Variants in TLR6 observed in about 807,000 individuals in gnomAD.
The protein encoded by TLR6 is toll like receptor 6, also known as toll-like receptor 6.
Under a neutral mutation model 16.1 loss-of-function variants are expected in TLR6, and 9 were observed. That is an observed-to-expected ratio of 0.56 (90% confidence interval 0.34 to 0.98). The LOEUF (loss-of-function observed/expected upper bound fraction) is 0.98, where lower values mean the gene tolerates loss of function less well. Among genes scored for constraint, TLR6 ranks in the 50% least tolerant of loss-of-function variants. TLR6 has a pLI of 0.02. For synonymous variants in TLR6, 340 were observed against 338.6 expected, an observed-to-expected ratio of 1.00 and a Z score of -0.04; for missense variants, 786 against 921.0, an observed-to-expected ratio of 0.85 and a Z score of 1.90.
chr4:38,827,582 A>G (rs1727605844), exon 2 of TLR6: 2 of 1,614,100 alleles, frequency 1.2e-6, no homozygotes, highest in Admixed American at 1.7e-5. Flanking sequence ...TTCTAAGGGT[A>G]TGTTCCTGGC....
the TLR6 span, chr4:38,867,614 T>A: frequency 6.6e-5 from 10 of 150,408 alleles, no homozygotes; most frequent in African/African-American, 2.5e-4. Flanking sequence ...GGCACAGGGG[T>A]GGGACAAGCC....
chr4:38,853,887 A>G (rs1712864936), intron 1 of TLR6, among the ~76,000 whole-genome samples: 1 of 152,252 alleles, frequency 6.6e-6, no homozygotes. Flanking sequence ...AAATAATAAA[A>G]ATCGAATTGC....
At chr4:38,867,542 G>A in the TLR6 span, 3 of 152,158 alleles carry the variant, frequency 2.0e-5, no homozygotes, top group Non-Finnish European at 2.9e-5. Flanking sequence ...AAAGGGATCT[G>A]GCGAACCCCG....
intron 1 of TLR6, among the ~76,000 whole-genome samples, chr4:38,850,131 T>C (rs1472080866): frequency 6.6e-6 from 1 of 152,200 alleles, no homozygotes; most frequent in Non-Finnish European, 1.5e-5. Context: ...GAATGACTAC[T>C]GGGTTCATAA....
At chr4:38,841,778 A>T (rs866766497) in intron 1 of TLR6, among the ~76,000 whole-genome samples, 2 of 152,292 alleles carry the variant, frequency 1.3e-5, no homozygotes, top group African/African-American at 4.8e-5. Flanking sequence ...CAGTTACGTA[A>T]GCCATTTATT....
At position 38,845,011 on chromosome 4, in the gene TLR6, A is replaced by G. The variant is rs1712460851; in HGVS notation, c.-65+11750T>C. 2.0e-5 allele frequency among the ~76,000 whole-genome samples: 3 copies of G among 152,214 alleles called. No individual in the cohort carries two copies. The South Asian group carries it at 6.2e-4, about 32-fold the overall frequency. ...GAGGCGGAGGTTGCAGTGAGCTAAG[A>G]TTGTGCCACTGCACTCCAGCCTGGG... On this transcript the variant is annotated intron_variant, in intron 1 of 1. Transcript: ENST00000436693.
chr4:38,827,154 A>C (rs1281408272), exon 2 of TLR6: 4 of 1,614,010 alleles, frequency 2.5e-6, no homozygotes, highest in South Asian at 1.1e-5. Flanking sequence ...ATGTTAGCCC[A>C]AAAGAGCCCA....
intron 1 of TLR6, among the ~76,000 whole-genome samples, chr4:38,839,407 C>CA (rs1712135994): frequency 6.6e-6 from 1 of 151,968 alleles, no homozygotes; most frequent in African/African-American, 2.4e-5. Flanking sequence ...GTGCTGTACT[C>CA]AAAAAATAGT....
chr4:38,828,961 T>G (rs1727694777), exon 2 of TLR6: 1 of 1,613,564 alleles, frequency 6.2e-7, no homozygotes, highest in African/African-American at 1.3e-5. Context: ...GGATATAACT[T>G]AGATGCAAGT....
intron 1 of TLR6, among the ~76,000 whole-genome samples, chr4:38,837,653 AAAC>A (rs553533596): frequency 7.3e-4 from 111 of 152,376 alleles, no homozygotes; most frequent in African/African-American, 2.6e-3. Flanking sequence ...TACTAAGAGA[AAAC>A]AGAAGAAATG....
intron 1 of TLR6, among the ~76,000 whole-genome samples, chr4:38,856,303 G>A (rs1487179481): frequency 6.6e-6 from 1 of 152,180 alleles, no homozygotes; most frequent in Non-Finnish European, 1.5e-5. Flanking sequence ...ATGAATTAGG[G>A]ACAGACACAG....
At chr4:38,857,341 C>A (rs1713033403), upstream of TLR6, among the ~76,000 whole-genome samples, 1 of 152,086 alleles carries the variant, frequency 6.6e-6, no homozygotes, top group Non-Finnish European at 1.5e-5. Context: ...TATGTACGAG[C>A]AATCATACCC....
chr4:38,825,904 C>T (rs5743827), exon 2 of TLR6: 40,067 of 152,410 alleles, frequency 0.26, 5,820 homozygotes, highest in Non-Finnish European at 0.31. Flanking sequence ...CCTTTCACCT[C>T]CTGAATTCCC....
At chr4:38,850,523 C>T (rs150032324) in intron 1 of TLR6, among the ~76,000 whole-genome samples, 6,051 of 152,078 alleles carry the variant, frequency 0.04, 404 homozygotes, top group African/African-American at 0.14. Context: ...ATCAAATCAA[C>T]GCAATAAAAA....
At chr4:38,833,585 C>T (rs968031701) in intron 1 of TLR6, among the ~76,000 whole-genome samples, 3 of 152,174 alleles carry the variant, frequency 2.0e-5, no homozygotes, top group Non-Finnish European at 2.9e-5. Flanking sequence ...AAATTGGAAG[C>T]AGCAGCTATT....
chr4:38,823,602 G>A (rs1432936089), downstream of TLR6: 1 of 152,222 alleles, frequency 6.6e-6, no homozygotes, highest in Non-Finnish European at 1.5e-5. Flanking sequence ...GCATTGGACG[G>A]GGGAATGAGA....
chr4:38,831,412 A>G (rs187824394), intron 1 of TLR6, among the ~76,000 whole-genome samples: 139 of 152,344 alleles, frequency 9.1e-4, no homozygotes, highest in African/African-American at 3.2e-3. Context: ...TAAAATTTCC[A>G]GAAGATAACA....
chr4:38,833,361 A>G (rs752790788), intron 1 of TLR6, among the ~76,000 whole-genome samples: 4 of 152,194 alleles, frequency 2.6e-5, no homozygotes, highest in Non-Finnish European at 4.4e-5. Flanking sequence ...TGGTGTCCCC[A>G]TCCCCAGCAA....
At chr4:38,862,523 T>TGCCC in the TLR6 span, among the ~76,000 whole-genome samples, 1 of 151,620 alleles carries the variant, frequency 6.6e-6, no homozygotes, top group African/African-American at 2.4e-5. Flanking sequence ...TCAAGTGATC[T>TGCCC]GCCCGCCTCA....
Sources: allele counts gnomAD v4.1 joint callset (sites outside exome capture counted in the v4.1 genomes callset), GRCh38; gene constraint gnomAD v4.1.1; transcripts MANE v1.5; gene names NCBI Gene and HGNC (gene_info 2026-07-23, HGNC 2026-07-21).